The following TAFA1 variants were observed in gnomAD, a reference collection of about 807,000 sequenced individuals.
TAFA1 encodes the protein chemokine-like protein TAFA-1.
Under a neutral mutation model 18.5 loss-of-function variants are expected in TAFA1, and 4 were observed. That is an observed-to-expected ratio of 0.22 (90% CI 0.11 to 0.49). TAFA1 has a LOEUF of 0.49. Ranked by LOEUF, TAFA1 falls within the 20% of genes least tolerant of loss-of-function variation. TAFA1 has a pLI of 0.98. For missense variants in TAFA1, 147 were observed against 169.0 expected, an observed-to-expected ratio of 0.87 and a Z score of 0.72; for synonymous variants, 56 against 55.2, an observed-to-expected ratio of 1.01 and a Z score of -0.06.
At position 68,306,071 on chromosome 3, in the gene TAFA1, T is replaced by C. The variant is rs1297612231; in HGVS notation, c.119-111209T>C. On this transcript the variant is annotated intron_variant, in intron 2 of 4. Coordinates refer to ENST00000478136, the MANE Select transcript of TAFA1 (RefSeq NM_213609.4). ...AGGAAAAAAAATACAAAACCGTGACTTCATGCAAGGGCTAGATATTTGAAA... is the reference window on the plus strand; with the variant it reads ...AGGAAAAAAAATACAAAACCGTGACCTCATGCAAGGGCTAGATATTTGAAA... 2.0e-5 allele frequency among the ~76,000 whole-genome samples: 3 copies of C among 152,208 alleles called. No homozygotes were observed. In the East Asian group the frequency reaches 5.8e-4, roughly 29 times the overall value.
At chr3:68,147,644 C>T (rs2065758194) in intron 2 of TAFA1, among the ~76,000 whole-genome samples, 1 of 152,214 alleles carries the variant, frequency 6.6e-6, no homozygotes, top group African/African-American at 2.4e-5. Flanking sequence ...CTACCACCGG[C>T]TCCAACCAGA....
intron 3 of TAFA1, among the ~76,000 whole-genome samples, chr3:68,522,137 A>G (rs1160576185): frequency 3.3e-5 from 5 of 152,024 alleles, no homozygotes; most frequent in Admixed American, 1.3e-4. Context: ...GTGAGCCACC[A>G]AAATATCAAA....
At chr3:68,501,578 A>G (rs1013445515) in intron 3 of TAFA1, among the ~76,000 whole-genome samples, 32 of 152,188 alleles carry the variant, frequency 2.1e-4, no homozygotes, top group African/African-American at 7.5e-4. Context: ...ATCAATATAT[A>G]CCATGAATAT....
At chr3:68,151,672 T>C (rs1343605928) in intron 2 of TAFA1, among the ~76,000 whole-genome samples, 1 of 152,192 alleles carries the variant, frequency 6.6e-6, no homozygotes, top group East Asian at 1.9e-4. Context: ...CTAAGATAAT[T>C]AACCCCCTTC....
chr3:68,296,979 AAG>A (rs1211756725), intron 2 of TAFA1, among the ~76,000 whole-genome samples: 1 of 152,184 alleles, frequency 6.6e-6, no homozygotes, highest in East Asian at 1.9e-4. Context: ...CAAAATATGA[AAG>A]AGTGTTAACC....
intron 2 of TAFA1, among the ~76,000 whole-genome samples, chr3:68,239,514 TGTGTGAACTACACCCCTA>T (rs11276654): frequency 0.26 from 40,012 of 151,808 alleles, 5,493 homozygotes; most frequent in Admixed American, 0.34. Flanking sequence ...CCTGAAATTC[TGTGTGAACTACACCCCTA>T]GCCTGACCCA....
chr3:68,025,048 A>G (rs1424691103), intron 2 of TAFA1, among the ~76,000 whole-genome samples: 2 of 152,058 alleles, frequency 1.3e-5, no homozygotes, highest in African/African-American at 2.4e-5. Context: ...CCTGGGCAAA[A>G]TGTTTTTAAT....
At position 68,274,265 on chromosome 3, in the gene TAFA1, G is replaced by T. The variant is rs566810028; in HGVS notation, c.119-143015G>T. 3.3e-5 allele frequency among the ~76,000 whole-genome samples: 5 copies of T among 152,230 alleles called. No individual in the cohort carries two copies. In the South Asian group the frequency reaches 6.2e-4, roughly 19 times the overall value. On this transcript the variant is annotated intron_variant, in intron 2 of 4. Transcript: ENST00000478136. ...TGCTGTTTAGGATGATGGTTTTCAT[G>T]AAGAAGGACAAAAGATTAAAAAGAG...
At chr3:68,295,438 G>A (rs539560842) in intron 2 of TAFA1, among the ~76,000 whole-genome samples, 1 of 151,964 alleles carries the variant, frequency 6.6e-6, no homozygotes, top group South Asian at 2.1e-4. Context: ...GACTTTTTAA[G>A]TCTATTTAAA....
Position 68,080,959 on chromosome 3 carries a change from G to C in TAFA1, c.118+74215G>C, listed in dbSNP as rs894623200. On this transcript the variant is annotated intron_variant, in intron 2 of 4. Coordinates refer to ENST00000478136, the MANE Select transcript of TAFA1 (RefSeq NM_213609.4). ...TCACTTTCAGGTACACCAATCAGAC[G>C]TAGATTTGGTCTTTTCACATAGTCC... is the stretch of plus-strand genomic sequence containing the variant. Among the ~76,000 whole-genome samples the C allele has an allele frequency of 4.7e-4, 72 of 152,140 alleles. 1 individual carries two copies. Among genetic ancestry groups the C allele is most frequent in the Admixed American group, 3.1e-3 (48 of 15,280 alleles).
intron 2 of TAFA1, among the ~76,000 whole-genome samples, chr3:68,013,474 G>A (rs1704511634): frequency 6.6e-6 from 1 of 152,008 alleles, no homozygotes; most frequent in Admixed American, 6.6e-5. Context: ...AATCCCTAAG[G>A]TTTTCAGTCA....
chr3:68,140,623 G>A (rs1004557365), intron 2 of TAFA1, among the ~76,000 whole-genome samples: 1 of 152,088 alleles, frequency 6.6e-6, no homozygotes, highest in South Asian at 2.1e-4. Flanking sequence ...TAAACTTCTT[G>A]TGCCACCATC....
chr3:68,335,028 T>G (rs186472033), intron 2 of TAFA1, among the ~76,000 whole-genome samples: 1 of 152,330 alleles, frequency 6.6e-6, no homozygotes, highest in African/African-American at 2.4e-5. Flanking sequence ...TTAGTGAACC[T>G]TAGTAACTTG....
intron 2 of TAFA1, among the ~76,000 whole-genome samples, chr3:68,082,286 G>T (rs192630798): frequency 2.5e-4 from 38 of 152,324 alleles, no homozygotes; most frequent in African/African-American, 8.7e-4. Flanking sequence ...CGTCGCTCAC[G>T]CTGGGAGCTG....
At chr3:68,179,831 T>A (rs1456766200) in intron 2 of TAFA1, among the ~76,000 whole-genome samples, 1 of 152,046 alleles carries the variant, frequency 6.6e-6, no homozygotes, top group Non-Finnish European at 1.5e-5. Context: ...TGCATGCTCC[T>A]GAAATTTGGG....
intron 2 of TAFA1, among the ~76,000 whole-genome samples, chr3:68,373,186 G>A (rs1471259226): frequency 6.6e-6 from 1 of 152,098 alleles, no homozygotes; most frequent in East Asian, 1.9e-4. Context: ...GTTAATAAAG[G>A]AATTAAATCC....
At chr3:68,443,295 T>C (rs2071418219) in intron 3 of TAFA1, among the ~76,000 whole-genome samples, 1 of 151,946 alleles carries the variant, frequency 6.6e-6, no homozygotes, top group East Asian at 1.9e-4. Context: ...ACTATTCTTA[T>C]ATCTGGCCAC....
intron 2 of TAFA1, among the ~76,000 whole-genome samples, chr3:68,245,832 G>A (rs2067066673): frequency 6.6e-6 from 1 of 152,156 alleles, no homozygotes; most frequent in South Asian, 2.1e-4. Context: ...TTCGTGTTTT[G>A]CGAAATGTAT....
At chr3:68,325,882 T>C (rs909108592) in intron 2 of TAFA1, among the ~76,000 whole-genome samples, 4 of 152,168 alleles carry the variant, frequency 2.6e-5, no homozygotes, top group African/African-American at 9.7e-5. Flanking sequence ...ATCTGCCCAA[T>C]GACGTGTATC....
Sources: gnomAD v4.1 joint callset for allele counts (sites outside exome capture counted in the v4.1 genomes callset) on GRCh38, gnomAD v4.1.1 for gene constraint, MANE v1.5 for transcripts, NCBI Gene and HGNC (gene_info 2026-07-23, HGNC 2026-07-21) for gene names.